The following RPGRIP1L variants were observed in gnomAD, a reference collection of about 807,000 sequenced individuals.
RPGRIP1L encodes RPGRIP1 like, also known as protein fantom.
Under a neutral mutation model 160.4 loss-of-function variants are expected in RPGRIP1L, and 131 were observed. The observed-to-expected ratio is 0.82, with a 90% CI of 0.71 to 0.94. The LOEUF is 0.94. Among genes scored for constraint, RPGRIP1L ranks in the 40% least tolerant of loss-of-function variants. RPGRIP1L has a pLI of 0.00. For missense variants in RPGRIP1L, 1,522 were observed against 1,535.8 expected (o/e 0.99, Z 0.15); for synonymous variants, 510 against 515.8 (o/e 0.99, Z 0.15).
chr16:53,650,180 G>A (rs1238453840), intron 15 of RPGRIP1L, among the ~76,000 whole-genome samples: 1 of 152,054 alleles, frequency 6.6e-6, no homozygotes, highest in Non-Finnish European at 1.5e-5. Flanking sequence ...GAGGCCACGA[G>A]GGATCCACCC....
Position 53,692,301 on chromosome 16 carries a change from G to A in RPGRIP1L, c.294C>T (p.Gly98=), listed in dbSNP as rs776786509. The A allele has an allele frequency of 1.2e-6, 2 of 1,614,038 alleles. No homozygotes were observed. Among genetic ancestry groups the A allele is most frequent in the Non-Finnish European group, 8.5e-7 (1 of 1,180,004 alleles). Residue 98 remains glycine (G), a synonymous_variant, in exon 4 of 27, where the codon GGC becomes GGT. Coordinates refer to ENST00000647211, the MANE Select transcript of RPGRIP1L (RefSeq NM_015272.5). ...CCACATCTCGTCCCAGCCGCTTGGG[G>A]CCGCCACCAACCCGCTCATATCTTT... is the stretch of plus-strand genomic sequence containing the variant. ...DKKRYERVGG[G]PKRLGRDVEM...
chr16:53,688,600 G>A (rs1204959573), intron 4 of RPGRIP1L, among the ~76,000 whole-genome samples: 1 of 151,948 alleles, frequency 6.6e-6, no homozygotes, highest in Non-Finnish European at 1.5e-5. Flanking sequence ...TCTTAATTAT[G>A]TGAGTTATTT....
chr16:53,621,106 A>T (rs1345885774), intron 23 of RPGRIP1L, among the ~76,000 whole-genome samples: 1 of 152,186 alleles, frequency 6.6e-6, no homozygotes, highest in Non-Finnish European at 1.5e-5. Flanking sequence ...CCTAATGAAG[A>T]AGTAAATGAA....
At chr16:53,636,408 G>C (rs376584951) in intron 22 of RPGRIP1L, 31 bp downstream of exon 22, 1 of 1,465,056 alleles carries the variant, frequency 6.8e-7, no homozygotes, top group African/African-American at 1.4e-5. Context: ...CCTTATTTCA[G>C]AACATTTCTA....
chr16:53,622,289 G>C lies in RPGRIP1L; in HGVS notation c.3362C>G (p.Pro1121Arg). 1.5e-6 allele frequency: 1 copy of C among 656,898 alleles called. No individual in the cohort carries two copies. Among genetic ancestry groups the C allele is most frequent in the Non-Finnish European group, 2.8e-6 (1 of 357,054 alleles). The allele number at this position is 656,898 out of a possible 1,614,324, so 40.7% of individuals were successfully genotyped here. A position where few individuals can be genotyped will look rare whatever the true frequency, so the allele number is the denominator to read the frequency against. The change falls in exon 23 of 27, where the codon CCG becomes CGG. Residue 1121 changes from proline (P) to arginine (R), a missense_variant. By Grantham distance (103) the Pro-to-Arg change is moderately radical. Transcript: ENST00000647211. ...AISAHCNFRL[P>R]GSSDFPASAS... Reference sequence around the variant, plus strand: ...TGAGGCAGGAAAATCGCTGGAACCCGGGAGGCGGAAGTTGCAGTGAGCTGA... The same window carrying C: ...TGAGGCAGGAAAATCGCTGGAACCCCGGAGGCGGAAGTTGCAGTGAGCTGA...
At chr16:53,700,306 T>A (rs1971289631) in intron 2 of RPGRIP1L, among the ~76,000 whole-genome samples, 1 of 152,246 alleles carries the variant, frequency 6.6e-6, no homozygotes, top group Non-Finnish European at 1.5e-5. Context: ...AGAAATGTTT[T>A]AACACTGAAT....
At chr16:53,661,169 C>T (rs1188832928) in intron 10 of RPGRIP1L, among the ~76,000 whole-genome samples, 1 of 151,436 alleles carries the variant, frequency 6.6e-6, no homozygotes. Flanking sequence ...TGGTGCATGC[C>T]TGTAGTCCCA....
chr16:53,616,906 T>C (rs1376470658), intron 24 of RPGRIP1L, among the ~76,000 whole-genome samples: 1 of 151,122 alleles, frequency 6.6e-6, no homozygotes, highest in Non-Finnish European at 1.5e-5. Flanking sequence ...ATCTCGTCTC[T>C]ACCAAAAATA....
At chr16:53,617,073 C>CAAAA (rs397945611) in intron 24 of RPGRIP1L, among the ~76,000 whole-genome samples, 9 of 21,844 alleles carry the variant, frequency 4.1e-4, no homozygotes, top group African/African-American at 1.5e-3. Context: ...CCTTGCATCA[C>CAAAA]AAAAAAAAAA....
chr16:53,646,942 A>G (rs1252398011), intron 16 of RPGRIP1L, among the ~76,000 whole-genome samples: 2 of 152,194 alleles, frequency 1.3e-5, no homozygotes, highest in Non-Finnish European at 2.9e-5. Context: ...TCCCAGGGCT[A>G]GTTTGCCCTC....
chr16:53,664,906 T>C lies in RPGRIP1L; in HGVS notation c.1207A>G (p.Lys403Glu). ...TTTAATCTGTCAAGGATTTCAGTTT[T>C]GTCTGTTAAGTCAGACTTCAAGGCA... ...ETALKSDLTD[K>E]TEILDRLKTE... The change falls in exon 10 of 27, where the codon AAA (lysine) becomes GAA (glutamate). Residue 403 changes from lysine to glutamate, a missense_variant. Lys to Glu is a moderately conservative substitution (Grantham distance 56). Coordinates refer to ENST00000647211, the MANE Select transcript of RPGRIP1L (RefSeq NM_015272.5). The C allele has an allele frequency of 6.2e-7, 1 of 1,612,696 alleles. No individual in the cohort carries two copies. The highest frequency in any genetic ancestry group is 1.1e-5 in the South Asian group (1 of 91,088).
Position 53,598,695 on chromosome 16 carries a change from A to C in RPGRIP1L, c.*3381T>G, listed in dbSNP as rs1567782748. On this transcript the variant is annotated 3_prime_UTR_variant, in exon 27 of 27. Coordinates refer to ENST00000647211, the MANE Select transcript of RPGRIP1L (RefSeq NM_015272.5). ...TTTGTTCCCATTCATGGATTTAATTAGGCATGTTGCCCAATCTCTAATAAA... is the reference window on the plus strand; with the variant it reads ...TTTGTTCCCATTCATGGATTTAATTCGGCATGTTGCCCAATCTCTAATAAA... 6.6e-6 allele frequency: 1 copy of C among 152,174 alleles called. No individual in the cohort carries two copies. 9.4% of individuals were successfully genotyped at this position (152,174 alleles called of 1,614,324 possible).
At chr16:53,647,171 C>T (rs1464679335) in intron 16 of RPGRIP1L, among the ~76,000 whole-genome samples, 1 of 152,170 alleles carries the variant, frequency 6.6e-6, no homozygotes, top group Non-Finnish European at 1.5e-5. Flanking sequence ...GGAATACTGG[C>T]CAGAAAGATG....
At chr16:53,696,345 T>A in intron 2 of RPGRIP1L, 50 bp from the exon 3 acceptor site, 1 of 1,582,700 alleles carries the variant, frequency 6.3e-7, no homozygotes, top group Non-Finnish European at 8.7e-7. Flanking sequence ...AAATAGTCTC[T>A]AGAAACTCTT....
intron 6 of RPGRIP1L, among the ~76,000 whole-genome samples, chr16:53,679,090 G>T (rs1248108748): frequency 6.6e-6 from 1 of 152,168 alleles, no homozygotes; most frequent in African/African-American, 2.4e-5. Flanking sequence ...TCTGATTTAA[G>T]ATTGCTCAAA....
chr16:53,692,368 G>T lies in RPGRIP1L; in HGVS notation c.231-4C>A, dbSNP rs774628905. On this transcript the variant is annotated splice_region_variant and splice_polypyrimidine_tract_variant and intron_variant, in intron 3 of 26. Transcript: ENST00000647211. ...CCGTATTAACTTGGTGGCCATTCTG[G>T]GGAAATAATAAAAAGATGAAAAGGA... 18 of 1,612,876 alleles carry T rather than the reference G, an allele frequency of 1.1e-5. No homozygotes were observed. The East Asian group carries it at 4.0e-4, about 36-fold the overall frequency.
intron 1 of RPGRIP1L, chr16:53,703,413 T>C (rs968939223): frequency 5.3e-5 from 8 of 152,316 alleles, no homozygotes; most frequent in African/African-American, 1.7e-4. Context: ...AAATAATATA[T>C]AATTAAGCAA....
At position 53,641,390 on chromosome 16, in the gene RPGRIP1L, T is replaced by C; in HGVS notation, c.2769A>G (p.Pro923=). Residue 923 remains proline, a synonymous_variant, in exon 18 of 27, where the codon CCA becomes CCG. Transcript: ENST00000647211. ...AGTCTTCAGTTGTTATTGATCCACT[T>C]GGTGGAAGGTAAGCAAATTTCCATT... is the stretch of plus-strand genomic sequence containing the variant. ...ILKWKFAYLP[P]SGSITTEDLG... 1.2e-6 allele frequency: 2 copies of C among 1,614,050 alleles called. No homozygotes were observed. The highest frequency in any genetic ancestry group is 1.7e-6 in the Non-Finnish European group (2 of 1,179,942).
At chr16:53,603,709 T>TGTGTGTGTGTG (rs1567787230) in intron 26 of RPGRIP1L, among the ~76,000 whole-genome samples, 3 of 150,390 alleles carry the variant, frequency 2.0e-5, no homozygotes, top group South Asian at 2.1e-4. Flanking sequence ...TGTGTGTGTG[T>TGTGTGTGTGTG]TTAATTCCAA....
Sources: allele counts gnomAD v4.1 joint callset (sites outside exome capture counted in the v4.1 genomes callset), GRCh38; gene constraint gnomAD v4.1.1; transcripts MANE v1.5; gene names NCBI Gene and HGNC (gene_info 2026-07-23, HGNC 2026-07-21).